Variants in STX8 observed in about 807,000 individuals in gnomAD.
STX8 encodes the protein syntaxin 8, also known as syntaxin-8.
STX8 carries 23 observed loss-of-function variants against 37.5 expected under a neutral mutation model. The observed-to-expected ratio is 0.61, with a 90% CI of 0.44 to 0.87. The LOEUF (loss-of-function observed/expected upper bound fraction) is 0.87, where lower values mean the gene tolerates loss of function less well. STX8 is among the 40% of genes least tolerant of loss of function. The probability of loss-of-function intolerance (pLI) is 0.00; values close to 1 mark genes in which losing one functional copy is unlikely to be tolerated. For synonymous variants in STX8, 115 were observed against 99.1 expected, an observed-to-expected ratio of 1.16 and a Z score of -0.95; for missense variants, 313 against 284.7, an observed-to-expected ratio of 1.10 and a Z score of -0.71.
intron 6 of STX8, among the ~76,000 whole-genome samples, chr17:9,412,575 G>A (rs140231238): frequency 4.2e-4 from 64 of 152,170 alleles, no homozygotes; most frequent in Non-Finnish European, 5.7e-4. Flanking sequence ...CACCACACCC[G>A]GCCTCACAGG....
intron 6 of STX8, among the ~76,000 whole-genome samples, chr17:9,431,634 A>T (rs1409205892): frequency 6.6e-6 from 1 of 152,126 alleles, no homozygotes; most frequent in Admixed American, 6.6e-5. Flanking sequence ...CACAGTCATG[A>T]CACTGGTGCT....
intron 5 of STX8, among the ~76,000 whole-genome samples, chr17:9,503,549 T>C (rs1904704621): frequency 6.6e-6 from 1 of 152,218 alleles, no homozygotes; most frequent in Non-Finnish European, 1.5e-5. Flanking sequence ...ATTCATTAAT[T>C]TTTTTAAAGA....
intron 3 of STX8, among the ~76,000 whole-genome samples, chr17:9,546,041 G>C (rs539887446): frequency 1.3e-5 from 2 of 152,168 alleles, no homozygotes; most frequent in Non-Finnish European, 2.9e-5. Flanking sequence ...CGCTGGGGGA[G>C]AGAAGTTCTC....
intron 6 of STX8, among the ~76,000 whole-genome samples, chr17:9,401,130 A>G (rs1190925634): frequency 6.6e-6 from 1 of 152,212 alleles, no homozygotes; most frequent in Admixed American, 6.5e-5. Context: ...TGCCCCTGCT[A>G]TTGAATATTT....
At chr17:9,281,368 T>C (rs1247324848) in intron 7 of STX8, among the ~76,000 whole-genome samples, 1 of 151,468 alleles carries the variant, frequency 6.6e-6, no homozygotes, top group Non-Finnish European at 1.5e-5. Flanking sequence ...AGAAATGGAG[T>C]GGTTGGTGGT....
chr17:9,316,506 A>G (rs2142198411), intron 7 of STX8, among the ~76,000 whole-genome samples: 1 of 152,308 alleles, frequency 6.6e-6, no homozygotes, highest in South Asian at 2.1e-4. Flanking sequence ...ACAAAAACCC[A>G]AAAGTACAGG....
intron 6 of STX8, among the ~76,000 whole-genome samples, chr17:9,428,583 T>A (rs1913727923): frequency 6.6e-6 from 1 of 152,178 alleles, no homozygotes; most frequent in Non-Finnish European, 1.5e-5. Context: ...TCACCCTGAG[T>A]GGATCAGTCT....
At chr17:9,293,754 C>T (rs1302358300) in intron 7 of STX8, among the ~76,000 whole-genome samples, 1 of 150,316 alleles carries the variant, frequency 6.7e-6, no homozygotes, top group Non-Finnish European at 1.5e-5. Flanking sequence ...ATGTGGTCAC[C>T]ATTTATAGTA....
intron 6 of STX8, among the ~76,000 whole-genome samples, chr17:9,420,046 T>C (rs1913365966): frequency 6.6e-6 from 1 of 152,236 alleles, no homozygotes; most frequent in South Asian, 2.1e-4. Context: ...GTAATATTAG[T>C]GTTGGGCTGT....
intron 6 of STX8, among the ~76,000 whole-genome samples, chr17:9,448,564 T>G (rs1328129706): frequency 1.7e-5 from 2 of 114,402 alleles, no homozygotes; most frequent in Non-Finnish European, 3.6e-5. Flanking sequence ...AATACATGTA[T>G]TCGGTAAGTT....
intron 7 of STX8, among the ~76,000 whole-genome samples, chr17:9,358,822 A>AG (rs1355616955): frequency 1.3e-5 from 2 of 152,328 alleles, no homozygotes; most frequent in South Asian, 4.1e-4. Context: ...AGGAGAGAGT[A>AG]GGGGGAAAAG....
chr17:9,491,376 C>T (rs924113699), intron 6 of STX8, among the ~76,000 whole-genome samples: 1 of 152,122 alleles, frequency 6.6e-6, no homozygotes, highest in Non-Finnish European at 1.5e-5. Flanking sequence ...GCAAATTCAT[C>T]TTTTTCCAAC....
chr17:9,502,167 G>A (rs1157631531), intron 5 of STX8, among the ~76,000 whole-genome samples: 1 of 152,176 alleles, frequency 6.6e-6, no homozygotes, highest in Admixed American at 6.5e-5. Context: ...AATTAAAAGT[G>A]ATACTAGCAA....
At chr17:9,353,126 T>C (rs1217807493) in intron 7 of STX8, among the ~76,000 whole-genome samples, 1 of 152,118 alleles carries the variant, frequency 6.6e-6, no homozygotes, top group Non-Finnish European at 1.5e-5. Flanking sequence ...CTTAAACTCC[T>C]GGCCTGAAGC....
chr17:9,316,816 G>A (rs1909396646), intron 7 of STX8, among the ~76,000 whole-genome samples: 1 of 152,184 alleles, frequency 6.6e-6, no homozygotes, highest in African/African-American at 2.4e-5. Context: ...TGAAGTAGGG[G>A]ACAGTCTTAG....
intron 7 of STX8, among the ~76,000 whole-genome samples, chr17:9,301,854 G>T (rs1908801170): frequency 6.6e-6 from 1 of 152,030 alleles, no homozygotes; most frequent in South Asian, 2.1e-4. Flanking sequence ...GGCATTTTAG[G>T]GTAACTATAT....
At chr17:9,574,252 C>A (rs1907803530) in intron 1 of STX8, among the ~76,000 whole-genome samples, 1 of 143,344 alleles carries the variant, frequency 7.0e-6, no homozygotes, top group Admixed American at 7.1e-5. Flanking sequence ...GCCTGGGTGA[C>A]AGACAGAGCA....
At chr17:9,517,115 C>T (rs1427585830) in intron 4 of STX8, among the ~76,000 whole-genome samples, 2 of 152,152 alleles carry the variant, frequency 1.3e-5, no homozygotes, top group East Asian at 1.9e-4. Flanking sequence ...AGAGGTTTCC[C>T]TGACTCCTCC....
intron 7 of STX8, 21 bp from the exon 8 acceptor site, chr17:9,250,666 A>G (rs1181235912): frequency 6.3e-7 from 1 of 1,577,336 alleles, no homozygotes; most frequent in South Asian, 1.2e-5. Context: ...GCAGCAGAAA[A>G]TACTACTTTT....
Sources: allele counts gnomAD v4.1 joint callset (sites outside exome capture counted in the v4.1 genomes callset), GRCh38; gene constraint gnomAD v4.1.1; transcripts MANE v1.5; gene names NCBI Gene and HGNC (gene_info 2026-07-23, HGNC 2026-07-21).